The following PREX1 variants were observed in gnomAD, a reference collection of about 807,000 sequenced individuals.
PREX1 encodes phosphatidylinositol 3,4,5-trisphosphate-dependent Rac exchanger 1 protein.
A neutral mutation model predicts 198.3 loss-of-function variants in PREX1; 41 were observed. That is an observed-to-expected ratio of 0.21 (90% CI 0.16 to 0.27). The LOEUF (loss-of-function observed/expected upper bound fraction) is 0.27, where lower values mean the gene tolerates loss of function less well. PREX1 is among the 10% of genes least tolerant of loss of function. PREX1 has a pLI of 1.00. For synonymous variants in PREX1, 843 were observed against 887.2 expected (o/e 0.95, Z 0.89); for missense variants, 1,620 against 2,200.7 (o/e 0.74, Z 5.28).
At chr20:48,886,812 A>G in the PREX1 span, among the ~76,000 whole-genome samples, 3 of 152,212 alleles carry the variant, frequency 2.0e-5, no homozygotes, top group South Asian at 6.2e-4. Flanking sequence ...GAGGCACAGA[A>G]AGGCTAAGTC....
intron 1 of PREX1, among the ~76,000 whole-genome samples, chr20:48,819,333 G>A (rs1486069230): frequency 6.6e-6 from 1 of 152,064 alleles, no homozygotes; most frequent in Non-Finnish European, 1.5e-5. Flanking sequence ...CCTGCCTCAG[G>A]GCCTTTGCAT....
intron 25 of PREX1, among the ~76,000 whole-genome samples, chr20:48,647,222 G>C (rs1468377550): frequency 6.6e-6 from 1 of 151,830 alleles, no homozygotes; most frequent in Non-Finnish European, 1.5e-5. Flanking sequence ...GTTGGATAAA[G>C]TGCTCAGAAC....
At chr20:48,741,883 G>C (rs1490907067) in intron 3 of PREX1, among the ~76,000 whole-genome samples, 1 of 152,222 alleles carries the variant, frequency 6.6e-6, no homozygotes, top group Non-Finnish European at 1.5e-5. Flanking sequence ...GGAACAGCGA[G>C]GAGATCCGTG....
chr20:48,712,689 C>T (rs117823420), intron 5 of PREX1, among the ~76,000 whole-genome samples: 1 of 152,176 alleles, frequency 6.6e-6, no homozygotes, highest in Non-Finnish European at 1.5e-5. Context: ...ATAGCTGGAC[C>T]AAAACCGCAG....
At chr20:48,723,658 C>T (rs182226287) in intron 5 of PREX1, among the ~76,000 whole-genome samples, 11 of 152,300 alleles carry the variant, frequency 7.2e-5, no homozygotes, top group African/African-American at 2.4e-4. Flanking sequence ...GAGAGCAAAC[C>T]GCAGCCACCC....
At position 48,636,656 on chromosome 20, in the gene PREX1, G is replaced by A. The variant is rs550986669; in HGVS notation, c.3974C>T (p.Ala1325Val). 1.5e-5 allele frequency: 24 copies of A among 1,609,170 alleles called. No homozygotes were observed. Among genetic ancestry groups the A allele is most frequent in the East Asian group, 8.9e-5 (4 of 44,750 alleles). Residue 1325 changes from alanine (A) to valine (V), a missense_variant, in exon 32 of 40, where the codon GCG becomes GTG. Around this residue, in one of 7 missense-constraint regions of PREX1, gnomAD observed 476 missense variants for 603.4 expected, o/e 0.79. Coordinates refer to ENST00000371941, the MANE Select transcript of PREX1 (RefSeq NM_020820.4). ...TDTELQLRRD[A>V]IFCQALVAAV... ...GGCCACCAGGGCCTGGCAGAAGATC[G>A]CGTCTCTGCGCAGCTGCAGCTCCGT... is the stretch of plus-strand genomic sequence containing the variant.
intron 1 of PREX1, among the ~76,000 whole-genome samples, chr20:48,763,963 G>A (rs2090196216): frequency 6.6e-6 from 1 of 152,188 alleles, no homozygotes; most frequent in Non-Finnish European, 1.5e-5. Flanking sequence ...GAGGTTCTCA[G>A]TGGCTGACGC....
At chr20:48,636,411 C>T (rs2089363704) in intron 32 of PREX1, 52 bp downstream of exon 32, 11 of 1,527,156 alleles carry the variant, frequency 7.2e-6, no homozygotes, top group East Asian at 4.7e-5. Context: ...CCGGCCTGGG[C>T]GGGCACCAGT....
At chr20:48,874,692 C>T in the PREX1 span, among the ~76,000 whole-genome samples, 82 of 152,020 alleles carry the variant, frequency 5.4e-4, no homozygotes, top group Admixed American at 1.6e-3. Context: ...GCCTGACCAA[C>T]ATGGTAAAAC....
chr20:48,796,118 T>G (rs1353460102), intron 1 of PREX1, among the ~76,000 whole-genome samples: 1 of 152,160 alleles, frequency 6.6e-6, no homozygotes, highest in East Asian at 1.9e-4. Context: ...GCATTTGTAT[T>G]TGTCATGTTA....
At chr20:48,708,179 C>G in intron 6 of PREX1, 81 bp downstream of exon 6, 1 of 1,458,430 alleles carries the variant, frequency 6.9e-7, no homozygotes, top group Non-Finnish European at 9.4e-7. Flanking sequence ...CTGACAGGTG[C>G]CCAGGCCTCA....
chr20:48,762,276 T>C (rs1049815998), intron 1 of PREX1, among the ~76,000 whole-genome samples: 7 of 152,216 alleles, frequency 4.6e-5, no homozygotes, highest in African/African-American at 1.7e-4. Flanking sequence ...TTGATTTTTT[T>C]CCTGAAAAAT....
chr20:48,782,857 G>A (rs944719859), intron 1 of PREX1, among the ~76,000 whole-genome samples: 1 of 152,200 alleles, frequency 6.6e-6, no homozygotes, highest in African/African-American at 2.4e-5. Context: ...TCACAAGGGA[G>A]AAGAAGTGAA....
chr20:48,696,089 T>C (rs879425511), intron 7 of PREX1, among the ~76,000 whole-genome samples: 4 of 152,256 alleles, frequency 2.6e-5, no homozygotes, highest in Non-Finnish European at 4.4e-5. Context: ...TATTTTTTAA[T>C]GAAATTCTTA....
At chr20:48,808,783 C>T (rs1042119968) in intron 1 of PREX1, among the ~76,000 whole-genome samples, 4 of 152,240 alleles carry the variant, frequency 2.6e-5, no homozygotes, top group South Asian at 2.1e-4. Context: ...CTGGCCATTC[C>T]GGCCTCCGTG....
upstream of PREX1, among the ~76,000 whole-genome samples, chr20:48,830,193 G>T (rs1435821330): frequency 6.6e-6 from 1 of 152,068 alleles, no homozygotes; most frequent in Non-Finnish European, 1.5e-5. Context: ...GCAAGACCCT[G>T]TCTCTACAAA....
intron 4 of PREX1, among the ~76,000 whole-genome samples, chr20:48,733,810 G>A (rs761625300): frequency 5.7e-4 from 87 of 152,038 alleles, no homozygotes; most frequent in Non-Finnish European, 8.2e-4. Flanking sequence ...GAGTACAGTG[G>A]TACCATCTCA....
intron 10 of PREX1, 47 bp from the exon 11 acceptor site, chr20:48,681,382 G>C (rs778169517): frequency 6.3e-7 from 1 of 1,583,770 alleles, no homozygotes; most frequent in Non-Finnish European, 8.7e-7. Flanking sequence ...CCAATTCTGG[G>C]ACCACAGGAA....
intron 1 of PREX1, among the ~76,000 whole-genome samples, chr20:48,789,804 T>C (rs536684645): frequency 6.6e-6 from 1 of 152,090 alleles, no homozygotes; most frequent in South Asian, 2.1e-4. Context: ...TTGCAGGAAA[T>C]ACTGGACGGA....
Sources: allele counts gnomAD v4.1 joint callset (sites outside exome capture counted in the v4.1 genomes callset), GRCh38; gene constraint gnomAD v4.1.1; regional missense constraint gnomAD v4.1.1; transcripts MANE v1.5; gene names NCBI Gene and HGNC (gene_info 2026-07-23, HGNC 2026-07-21).